The following ATF6 variants were observed in gnomAD, a reference collection of about 807,000 sequenced individuals.
The protein encoded by ATF6 is cyclic AMP-dependent transcription factor ATF-6 alpha.
A neutral mutation model predicts 83.6 loss-of-function variants in ATF6; 53 were observed. That is an observed-to-expected ratio of 0.63 (90% CI 0.51 to 0.80). The LOEUF is 0.80. ATF6 is among the 30% of genes least tolerant of loss of function. The pLI, the probability that ATF6 is intolerant of heterozygous loss-of-function variation, is 0.00. For synonymous variants in ATF6, 288 were observed against 285.8 expected (o/e 1.01, Z -0.08); for missense variants, 744 against 797.9 (o/e 0.93, Z 0.81).
chr1:161,818,431 A>G (rs188374925), intron 7 of ATF6, among the ~76,000 whole-genome samples: 2 of 152,330 alleles, frequency 1.3e-5, no homozygotes, highest in African/African-American at 4.8e-5. Flanking sequence ...ATTAAACAAA[A>G]AAGTAGGATC....
In ATF6 at chr1:161,802,228, A is replaced by G. The variant is rs1685169493; in HGVS notation, c.865A>G (p.Thr289Ala). The G allele has an allele frequency of 3.7e-6, 6 of 1,613,936 alleles. No individual in the cohort carries two copies. The Admixed American group carries it at 1.0e-4, about 27-fold the overall frequency. Residue 289 changes from threonine (T) to alanine (A), a missense_variant, in exon 7 of 16, where the codon ACT becomes GCT. Thr to Ala is a moderately conservative substitution (Grantham distance 58). Coordinates refer to ENST00000367942, the MANE Select transcript of ATF6 (RefSeq NM_007348.4). The part of the protein sequence containing the change: ...NSPVNGKLSV[T>A]KPVLQSTMRN... ...CCCAGTGAATGGAAAACTTTCCGTG[A>G]CTAAACCTGTCCTACAAAGTACCAT...
intron 9 of ATF6, among the ~76,000 whole-genome samples, chr1:161,831,616 T>C (rs1473543976): frequency 6.6e-6 from 1 of 151,810 alleles, no homozygotes; most frequent in Non-Finnish European, 1.5e-5. Context: ...TATGCAGCCA[T>C]AAAAAATGAT....
chr1:161,828,287 A>T (rs1288862552), intron 9 of ATF6, among the ~76,000 whole-genome samples: 4 of 152,210 alleles, frequency 2.6e-5, no homozygotes, highest in African/African-American at 9.6e-5. Flanking sequence ...ACACTAAAAA[A>T]TGATGGATTG....
chr1:161,808,599 CTG>C (rs1483793029), intron 7 of ATF6, among the ~76,000 whole-genome samples: 2 of 151,836 alleles, frequency 1.3e-5, no homozygotes, highest in African/African-American at 4.8e-5. Context: ...TAAAGACAGT[CTG>C]TTGCTCTGTT....
chr1:161,932,495 T>C (rs1688454019), intron 15 of ATF6, among the ~76,000 whole-genome samples: 1 of 152,222 alleles, frequency 6.6e-6, no homozygotes, highest in South Asian at 2.1e-4. Flanking sequence ...AAAAAAATTC[T>C]AAAGGTAAAC....
At chr1:161,778,426 C>G (rs1366872344) in intron 2 of ATF6, 106 bp downstream of exon 2, 1 of 790,890 alleles carries the variant, frequency 1.3e-6, no homozygotes, top group East Asian at 2.7e-5. Context: ...AAGTTACATA[C>G]TTAATGGTAA....
At chr1:161,827,354 C>G (rs950163974) in intron 9 of ATF6, among the ~76,000 whole-genome samples, 4 of 152,062 alleles carry the variant, frequency 2.6e-5, no homozygotes, top group Non-Finnish European at 5.9e-5. Flanking sequence ...GAACAAGTGT[C>G]ACATCTGTAG....
rs375719204 is a variant in ATF6, at chr1:161,963,899, T to A, written c.*5245T>A. On this transcript the variant is annotated 3_prime_UTR_variant, in exon 16 of 16. Transcript: ENST00000367942. Reference sequence around the variant, plus strand: ...TTTGCTCAGGTTGTACCCATGCCAATTGAAGAACGTGTTAAAGATGAGGAG... The same window carrying A: ...TTTGCTCAGGTTGTACCCATGCCAAATGAAGAACGTGTTAAAGATGAGGAG... 1 of 152,134 alleles carries A rather than the reference T, an allele frequency of 6.6e-6. No homozygotes were observed. The highest frequency in any genetic ancestry group is 1.9e-4 in the East Asian group (1 of 5,186). 9.4% of individuals were successfully genotyped at this position (152,134 alleles called of 1,614,324 possible).
At chr1:161,877,691 A>G (rs1311442438) in intron 14 of ATF6, among the ~76,000 whole-genome samples, 1 of 152,146 alleles carries the variant, frequency 6.6e-6, no homozygotes, top group Non-Finnish European at 1.5e-5. Flanking sequence ...GAAGATGTTC[A>G]CTGCTACATG....
intron 14 of ATF6, among the ~76,000 whole-genome samples, chr1:161,903,576 C>T (rs966736133): frequency 6.6e-6 from 1 of 152,128 alleles, no homozygotes; most frequent in South Asian, 2.1e-4. Flanking sequence ...TCAGGGACTT[C>T]ACTCTCCTCA....
At chr1:161,903,105 C>G (rs1015789351) in intron 14 of ATF6, among the ~76,000 whole-genome samples, 13 of 152,208 alleles carry the variant, frequency 8.5e-5, no homozygotes, top group African/African-American at 3.1e-4. Context: ...CAACTCTGCT[C>G]TCCACCACTT....
chr1:161,817,514 CGTGT>C (rs145132978), intron 7 of ATF6, among the ~76,000 whole-genome samples: 39 of 150,534 alleles, frequency 2.6e-4, no homozygotes, highest in Non-Finnish European at 5.0e-4. Flanking sequence ...TATGTGCGTG[CGTGT>C]GTGTGTGTGT....
chr1:161,801,050 G>A lies in ATF6; in HGVS notation c.689-1002G>A, dbSNP rs74570682. On this transcript the variant is annotated intron_variant, in intron 6 of 15. Transcript: ENST00000367942. ...AGTATCCCTTATCCAAAATACTTAG[G>A]ACCAGAAGTGTGGAGTTTTCCACTT... Among the ~76,000 whole-genome samples, 420 of 152,164 alleles carry A rather than the reference G, an allele frequency of 2.8e-3. 14 individuals are homozygous for A. The East Asian group carries it at 0.072, about 26-fold the overall frequency.
chr1:161,921,439 C>T (rs1028988404), intron 15 of ATF6, among the ~76,000 whole-genome samples: 2 of 151,974 alleles, frequency 1.3e-5, no homozygotes, highest in Non-Finnish European at 2.9e-5. Flanking sequence ...AGGATAGATA[C>T]TTTGGAACAA....
intron 7 of ATF6, among the ~76,000 whole-genome samples, chr1:161,816,013 C>T (rs561853700): frequency 5.1e-4 from 77 of 152,326 alleles, no homozygotes; most frequent in African/African-American, 1.8e-3. Flanking sequence ...ATTGATTCAA[C>T]CTTCAAAGGA....
chr1:161,839,679 G>C (rs907212108), intron 9 of ATF6, among the ~76,000 whole-genome samples: 1 of 152,174 alleles, frequency 6.6e-6, no homozygotes, highest in Non-Finnish European at 1.5e-5. Context: ...TGCCAGGACT[G>C]TAGTTTTAAA....
intron 9 of ATF6, among the ~76,000 whole-genome samples, chr1:161,835,136 C>T (rs1686181810): frequency 6.6e-6 from 1 of 152,160 alleles, no homozygotes; most frequent in Non-Finnish European, 1.5e-5. Flanking sequence ...GCAGCATGAT[C>T]ATGACTCACT....
At position 161,812,371 on chromosome 1, in the gene ATF6, CTTTTTTTTTTTTTTTTTTTT is replaced by C. The variant is rs869240831; in HGVS notation, c.910-7242_910-7223del. On this transcript the variant is annotated intron_variant, in intron 7 of 15. Transcript: ENST00000367942. ...GAGCTGGAATGGGAGCAGGTATTTT[CTTTTTTTTTTTTTTTTTTTT>C]TTTTTTTTTTTTTTTTTTTGAGACG... Among the ~76,000 whole-genome samples the C allele has an allele frequency of 2.6e-4, 9 of 34,390 alleles. No homozygotes were observed. The East Asian group carries it at 6.1e-3, about 23-fold the overall frequency. 22.6% of individuals were successfully genotyped at this position (34,390 alleles called of 152,430 possible).
chr1:161,791,594 A>G (rs1684883092), intron 5 of ATF6, 57 bp downstream of exon 5: 3 of 1,517,802 alleles, frequency 2.0e-6, no homozygotes, highest in South Asian at 1.3e-5. Flanking sequence ...CTTAGGTTCC[A>G]TTTCTTAAAA....
Sources: allele counts gnomAD v4.1 joint callset (sites outside exome capture counted in the v4.1 genomes callset), GRCh38; gene constraint gnomAD v4.1.1; transcripts MANE v1.5; gene names NCBI Gene and HGNC (gene_info 2026-07-23, HGNC 2026-07-21).